Variants in SHOC1 observed in about 807,000 individuals in gnomAD.
SHOC1 encodes the protein shortage in chiasmata 1, also known as protein shortage in chiasmata 1 ortholog.
Under a neutral mutation model 179.2 loss-of-function variants are expected in SHOC1, and 136 were observed. The observed-to-expected ratio is 0.76, with a 90% CI of 0.66 to 0.87. SHOC1 has a LOEUF of 0.87. Ranked by LOEUF, SHOC1 falls within the 40% of genes least tolerant of loss-of-function variation. The pLI is 0.00. For synonymous variants in SHOC1, 489 were observed against 586.6 expected (o/e 0.83, Z 2.41); for missense variants, 1,538 against 1,700.8 (o/e 0.90, Z 1.68).
chr9:111,707,550 G>A (rs539843896), intron 19 of SHOC1, among the ~76,000 whole-genome samples: 6 of 152,000 alleles, frequency 3.9e-5, no homozygotes, highest in Non-Finnish European at 8.8e-5. Context: ...AAACAATGCT[G>A]AGCAAAGAAA....
At chr9:111,708,096 C>T (rs187472250) in intron 18 of SHOC1, among the ~76,000 whole-genome samples, 172 bp from the exon 19 acceptor site, 20 of 152,036 alleles carry the variant, frequency 1.3e-4, no homozygotes, top group African/African-American at 4.3e-4. Context: ...AACTTTGAAC[C>T]ATAACCAATA....
chr9:111,720,149 T>G (rs1249258501), intron 15 of SHOC1, among the ~76,000 whole-genome samples: 9 of 152,194 alleles, frequency 5.9e-5, no homozygotes, highest in Admixed American at 5.9e-4. Flanking sequence ...ATTTACTGGC[T>G]TAGACTAAAA....
At position 111,725,555 on chromosome 9, in the gene SHOC1, CAT is replaced by C. The variant is rs536646494; in HGVS notation, c.1835-1646_1835-1645del. On this transcript the variant is annotated intron_variant, in intron 13 of 27. Coordinates refer to ENST00000682961, the MANE Select transcript of SHOC1 (RefSeq NM_001378211.1). ...GGCACTGCCCAGAAAAGAGTCATGA[CAT>C]AGAAAAACCAAGGAGAATTCCTGTT... Among the ~76,000 whole-genome samples, 9 of 152,298 alleles carry C rather than the reference CAT, an allele frequency of 5.9e-5. No individual in the cohort carries two copies. The South Asian group carries it at 1.7e-3, about 28-fold the overall frequency.
chr9:111,736,179 T>C lies in SHOC1; in HGVS notation c.1417+2101A>G, dbSNP rs539186641. On this transcript the variant is annotated intron_variant, in intron 12 of 27. Coordinates refer to ENST00000682961, the MANE Select transcript of SHOC1 (RefSeq NM_001378211.1). The stretch of plus-strand genomic sequence containing the variant: ...AGATTCAACACTATCCCTATCAAAC[T>C]ATCAACATCATTTTCCACAGACCTA... Among the ~76,000 whole-genome samples, 4 of 152,302 alleles carry C rather than the reference T, an allele frequency of 2.6e-5. No individual in the cohort carries two copies. The South Asian group carries it at 8.3e-4, about 32-fold the overall frequency.
In SHOC1 at chr9:111,688,201, C is replaced by T. The variant is rs112538542; in HGVS notation, c.4427-1331G>A. 3.0e-3 allele frequency among the ~76,000 whole-genome samples: 458 copies of T among 152,206 alleles called. 2 individuals are homozygous for T. Among genetic ancestry groups the T allele is most frequent in the African/African-American group, 0.01 (423 of 41,530 alleles). ...ACCCACCATGGCTGATTTTAAGCTA[C>T]CAATGTGATAGAAACAATGTTTTTT... On this transcript the variant is annotated intron_variant, in intron 27 of 27. Transcript: ENST00000682961.
At chr9:111,758,255 C>A in intron 6 of SHOC1, 60 bp from the exon 7 acceptor site, 1 of 838,576 alleles carries the variant, frequency 1.2e-6, no homozygotes, top group Non-Finnish European at 1.9e-6. Context: ...TAAATGTAGC[C>A]AACCAAAACA....
intron 19 of SHOC1, among the ~76,000 whole-genome samples, 162 bp from the exon 20 acceptor site, chr9:111,706,908 G>A (rs1011544299): frequency 6.6e-6 from 1 of 152,022 alleles, no homozygotes. Flanking sequence ...CTTCAATAGT[G>A]TTAATTTCTT....
Position 111,692,229 on chromosome 9 carries a change from T to A in SHOC1, c.3748A>T (p.Asn1250Tyr). ...GAGTCTTTCCAGTAGCTGGTCTGAT[T>A]GTATGAAGTCACAGGTGGTAAAAAA... ...SSFLPPVTSY[N>Y]QTSYWKDSSC... Residue 1250 changes from asparagine (N) to tyrosine (Y), a missense_variant, in exon 27 of 28, where the codon AAT becomes TAT. Physicochemically the swap from Asn to Tyr is moderately radical, Grantham distance 143. Coordinates refer to ENST00000682961, the MANE Select transcript of SHOC1 (RefSeq NM_001378211.1). 1 of 1,613,668 alleles carries A rather than the reference T, an allele frequency of 6.2e-7. No individual in the cohort carries two copies. The highest frequency in any genetic ancestry group is 8.5e-7 in the Non-Finnish European group (1 of 1,179,612).
intron 1 of SHOC1, among the ~76,000 whole-genome samples, chr9:111,792,241 G>A (rs1213736273): frequency 1.3e-5 from 2 of 152,052 alleles, no homozygotes; most frequent in Non-Finnish European, 2.9e-5. Context: ...CTCTAGGACA[G>A]AGTAACTTCT....
chr9:111,771,311 CA>C (rs1411950861), intron 5 of SHOC1, among the ~76,000 whole-genome samples: 1 of 151,598 alleles, frequency 6.6e-6, no homozygotes, highest in African/African-American at 2.4e-5. Context: ...CAAAATGCCA[CA>C]TTTTGACTTA....
Position 111,780,934 on chromosome 9 carries a change from C to T in SHOC1, c.253G>A (p.Glu85Lys), listed in dbSNP as rs145629444. 36 of 1,610,872 alleles carry T rather than the reference C, an allele frequency of 2.2e-5. No homozygotes were observed. In the African/African-American group the frequency reaches 4.5e-4, roughly 20 times the overall value. The stretch of plus-strand genomic sequence containing the variant: ...TTTGAGATTAAGGATACATACTTCT[C>T]AAGGAAATCCTCCACAAAGAAACTT... ...KASFFVEDFL[E>K]KKTITRMVTQ... Residue 85 changes from glutamate to lysine, a missense_variant, in exon 4 of 28, where the codon GAG (glutamate) becomes AAG (lysine). Glu to Lys is a moderately conservative substitution (Grantham distance 56). Coordinates refer to ENST00000682961, the MANE Select transcript of SHOC1 (RefSeq NM_001378211.1).
At chr9:111,718,332 C>A (rs760057974) in intron 15 of SHOC1, 44 bp from the exon 16 acceptor site, 3 of 1,263,306 alleles carry the variant, frequency 2.4e-6, no homozygotes, top group South Asian at 2.8e-5. Context: ...CTATACATTA[C>A]AGTTTTAGAA....
intron 10 of SHOC1, among the ~76,000 whole-genome samples, chr9:111,744,070 T>G (rs1214289491): frequency 6.6e-6 from 1 of 152,198 alleles, no homozygotes; most frequent in Non-Finnish European, 1.5e-5. Flanking sequence ...ACAATAGACA[T>G]ATAACTTGTG....
At chr9:111,711,241 C>T (rs913938710) in intron 18 of SHOC1, among the ~76,000 whole-genome samples, 1 of 152,138 alleles carries the variant, frequency 6.6e-6, no homozygotes, top group African/African-American at 2.4e-5. Flanking sequence ...AATGGTCCCC[C>T]GGCGAAACCC....
intron 6 of SHOC1, 124 bp from the exon 7 acceptor site, chr9:111,758,319 G>A: frequency 1.6e-6 from 1 of 616,652 alleles, no homozygotes; most frequent in Non-Finnish European, 2.8e-6. Flanking sequence ...TTATTGGCCG[G>A]GTGCAGTGGC....
At position 111,761,955 on chromosome 9, in the gene SHOC1, T is replaced by G. The variant is rs1371995999; in HGVS notation, c.443-3107A>C. Among the ~76,000 whole-genome samples the G allele has an allele frequency of 2.0e-5, 3 of 152,288 alleles. No individual in the cohort carries two copies. In the East Asian group the frequency reaches 5.8e-4, roughly 29 times the overall value. On this transcript the variant is annotated intron_variant, in intron 5 of 27. Coordinates refer to ENST00000682961, the MANE Select transcript of SHOC1 (RefSeq NM_001378211.1). ...TAAACAGGGCATTCTCATACCATAC[T>G]AGTGGACATATAGCTAAAAAAGCAC... is the stretch of plus-strand genomic sequence containing the variant.
chr9:111,748,215 C>G lies in SHOC1; in HGVS notation c.863-16G>C. ...TTAGTAAGATCTGAAAAGGAAGAAA[C>G]TCTGTTATTAGCAAATGTACCATTA... On this transcript the variant is annotated splice_polypyrimidine_tract_variant and intron_variant, in intron 8 of 27. Transcript: ENST00000682961. The G allele has an allele frequency of 1.3e-6, 2 of 1,540,734 alleles. No individual in the cohort carries two copies. The highest frequency in any genetic ancestry group is 1.8e-6 in the Non-Finnish European group (2 of 1,115,240).
chr9:111,722,356 C>T (rs1052430128), intron 15 of SHOC1, 53 bp downstream of exon 15: 1 of 1,485,094 alleles, frequency 6.7e-7, no homozygotes, highest in East Asian at 2.3e-5. Context: ...TAATTTGATA[C>T]AATAATTTCT....
chr9:111,777,542 G>C (rs1344693929), intron 4 of SHOC1, among the ~76,000 whole-genome samples: 1 of 152,156 alleles, frequency 6.6e-6, no homozygotes, highest in Non-Finnish European at 1.5e-5. Context: ...TTTTGCGAAG[G>C]CGGTTTCAAC....
Sources: gnomAD v4.1 joint callset for allele counts (sites outside exome capture counted in the v4.1 genomes callset) on GRCh38, gnomAD v4.1.1 for gene constraint, MANE v1.5 for transcripts, NCBI Gene and HGNC (gene_info 2026-07-23, HGNC 2026-07-21) for gene names.